The following TRPM3 variants were observed in gnomAD, a reference collection of about 807,000 sequenced individuals.
TRPM3 encodes the protein long transient receptor potential channel 3.
TRPM3 carries 77 observed loss-of-function variants against 181.2 expected under a neutral mutation model. That is an observed-to-expected ratio of 0.42 (90% confidence interval 0.35 to 0.51). TRPM3 has a LOEUF of 0.51. TRPM3 is among the 20% of genes least tolerant of loss of function. The pLI is 0.01. For missense variants in TRPM3, 1,759 were observed against 2,196.7 expected (o/e 0.80, Z 3.98); for synonymous variants, 745 against 796.4 (o/e 0.94, Z 1.09).
chr9:70,966,881 T>A (rs1400300841), intron 1 of TRPM3, among the ~76,000 whole-genome samples: 2 of 151,990 alleles, frequency 1.3e-5, no homozygotes, highest in East Asian at 3.8e-4. Context: ...TCCCTGAACT[T>A]CAAATAAGAG....
At chr9:70,697,069 C>T (rs1039607396) in intron 8 of TRPM3, among the ~76,000 whole-genome samples, 1 of 152,238 alleles carries the variant, frequency 6.6e-6, no homozygotes, top group East Asian at 1.9e-4. Flanking sequence ...AGCAAAGCAG[C>T]GTCCTTTGTC....
chr9:71,317,668 T>A (rs182175630), intron 1 of TRPM3, among the ~76,000 whole-genome samples: 4,894 of 82,386 alleles, frequency 0.059, 137 homozygotes, highest in African/African-American at 0.1. Flanking sequence ...AAAGAAAAAA[T>A]ATATATATAT....
chr9:70,777,824 T>C (rs1339158281), intron 7 of TRPM3, among the ~76,000 whole-genome samples: 1 of 152,134 alleles, frequency 6.6e-6, no homozygotes, highest in Non-Finnish European at 1.5e-5. Flanking sequence ...GATTGATTGA[T>C]TTGAAAAGTT....
intron 1 of TRPM3, among the ~76,000 whole-genome samples, chr9:70,975,836 C>T (rs749914749): frequency 6.6e-5 from 10 of 152,284 alleles, no homozygotes; most frequent in East Asian, 3.9e-4. Context: ...GTGCAAACTT[C>T]GGCACATTAC....
intron 1 of TRPM3, among the ~76,000 whole-genome samples, chr9:71,212,532 C>T (rs970307855): frequency 5.9e-5 from 9 of 152,116 alleles, no homozygotes; most frequent in South Asian, 2.1e-4. Context: ...GCCTTTCATA[C>T]GTAAATGTGC....
intron 1 of TRPM3, among the ~76,000 whole-genome samples, chr9:70,980,840 T>C (rs2097356535): frequency 6.6e-6 from 1 of 152,222 alleles, no homozygotes; most frequent in Non-Finnish European, 1.5e-5. Context: ...TCTTCCAAGC[T>C]TGTTTTGCCC....
chr9:71,272,685 A>G (rs536728972), intron 1 of TRPM3, among the ~76,000 whole-genome samples: 3 of 152,228 alleles, frequency 2.0e-5, no homozygotes, highest in Admixed American at 6.5e-5. Context: ...AAACTGTATA[A>G]ATATAATTTA....
At chr9:71,419,417 G>A (rs1284351066) in intron 1 of TRPM3, among the ~76,000 whole-genome samples, 3 of 151,828 alleles carry the variant, frequency 2.0e-5, no homozygotes, top group African/African-American at 7.3e-5. Context: ...ATTTCTGTTT[G>A]TTTACAAATT....
chr9:71,259,202 T>A (rs2082873955), intron 1 of TRPM3, among the ~76,000 whole-genome samples: 1 of 152,208 alleles, frequency 6.6e-6, no homozygotes, highest in African/African-American at 2.4e-5. Context: ...GCTTCATCCA[T>A]GTCACTGTGA....
At chr9:70,698,432 C>T (rs983409963) in intron 8 of TRPM3, among the ~76,000 whole-genome samples, 1 of 152,048 alleles carries the variant, frequency 6.6e-6, no homozygotes, top group African/African-American at 2.4e-5. Context: ...TTATACTTCC[C>T]ATTGGAATTG....
At chr9:70,798,972 C>G (rs11142600) in intron 6 of TRPM3, among the ~76,000 whole-genome samples, 5,085 of 152,244 alleles carry the variant, frequency 0.033, 113 homozygotes, top group Non-Finnish European at 0.05. Context: ...CTTAGGGACT[C>G]GAACAGCCAA....
At chr9:71,325,385 A>G (rs2089597123) in intron 1 of TRPM3, among the ~76,000 whole-genome samples, 1 of 152,176 alleles carries the variant, frequency 6.6e-6, no homozygotes, top group Admixed American at 6.5e-5. Flanking sequence ...GCTGGTATAC[A>G]TGTGACCTTT....
chr9:70,752,443 C>T (rs1035619682), intron 8 of TRPM3, among the ~76,000 whole-genome samples: 2 of 152,052 alleles, frequency 1.3e-5, no homozygotes, highest in African/African-American at 4.8e-5. Flanking sequence ...TGAAACTAGA[C>T]ACATTTTAGT....
chr9:71,375,801 A>G (rs940360953), intron 1 of TRPM3, among the ~76,000 whole-genome samples: 4 of 152,128 alleles, frequency 2.6e-5, no homozygotes, highest in Non-Finnish European at 4.4e-5. Flanking sequence ...AAAGATTACA[A>G]CTCACCAATG....
intron 1 of TRPM3, among the ~76,000 whole-genome samples, chr9:71,102,922 A>T (rs1402463994): frequency 1.3e-5 from 2 of 152,174 alleles, no homozygotes. Context: ...ATTGATTTCT[A>T]GTTCTGAGTC....
intron 22 of TRPM3, among the ~76,000 whole-genome samples, chr9:70,580,439 A>G (rs1052036273): frequency 6.6e-6 from 1 of 152,040 alleles, no homozygotes; most frequent in Non-Finnish European, 1.5e-5. Flanking sequence ...CCCAACCCCC[A>G]CAATGCATAG....
chr9:71,150,259 A>G (rs2075660338), intron 1 of TRPM3, among the ~76,000 whole-genome samples: 1 of 152,144 alleles, frequency 6.6e-6, no homozygotes, highest in Non-Finnish European at 1.5e-5. Context: ...AAAACAGAAA[A>G]TGAAAATACA....
At chr9:71,292,438 T>A (rs1183382300) in intron 1 of TRPM3, among the ~76,000 whole-genome samples, 1 of 151,936 alleles carries the variant, frequency 6.6e-6, no homozygotes, top group Non-Finnish European at 1.5e-5. Context: ...CTGATTTTTT[T>A]ATAGAGGGAG....
chr9:71,108,412 G>A (rs1290982737), intron 1 of TRPM3, among the ~76,000 whole-genome samples: 1 of 152,044 alleles, frequency 6.6e-6, no homozygotes, highest in African/African-American at 2.4e-5. Flanking sequence ...CTGCTCCCCT[G>A]CCATATCACC....
Sources: allele counts gnomAD v4.1 joint callset (sites outside exome capture counted in the v4.1 genomes callset), GRCh38; gene constraint gnomAD v4.1.1; transcripts MANE v1.5; gene names NCBI Gene and HGNC (gene_info 2026-07-23, HGNC 2026-07-21).